Variants in EIF4A3 observed in about 807,000 individuals in gnomAD.
EIF4A3 encodes the protein eukaryotic initiation factor 4A-III.
In EIF4A3, 1 loss-of-function variant was observed where a neutral mutation model predicts 55.6. The ratio of observed to expected loss-of-function variants is 0.02; its 90% CI spans 0.01 to 0.09. The LOEUF (loss-of-function observed/expected upper bound fraction) is 0.09. EIF4A3 is among the 10% of genes least tolerant of loss of function. The probability of loss-of-function intolerance (pLI) is 1.00; values close to 1 mark genes in which losing one functional copy is unlikely to be tolerated. For synonymous variants in EIF4A3, 194 were observed against 196.3 expected (o/e 0.99, Z 0.10); for missense variants, 221 against 540.7 (o/e 0.41, Z 5.86).
At position 80,139,106 on chromosome 17, in the gene EIF4A3, C is replaced by A; in HGVS notation, c.643G>T (p.Val215Phe). ...YRYLPPATQV[V>F]LISATLPHEI... is the part of the protein sequence containing the mutation. ...TGTGGCAGCGTGGCACTGATGAGAA[C>A]CACCTGTGTGGCTGGAGGCAGGTAC... The change falls in exon 7 of 12, where the codon GTT becomes TTT. Residue 215 changes from valine (V) to phenylalanine (F), a missense_variant. Transcript: ENST00000649764. 6.2e-7 allele frequency: 1 copy of A among 1,614,026 alleles called. No homozygotes were observed. The highest frequency in any genetic ancestry group is 8.5e-7 in the Non-Finnish European group (1 of 1,180,004).
intron 2 of EIF4A3, 110 bp downstream of exon 2, chr17:80,144,062 T>A: frequency 9.8e-7 from 1 of 1,023,336 alleles, no homozygotes; most frequent in Non-Finnish European, 1.5e-6. Flanking sequence ...AGGGAAAGTG[T>A]TGGAACTGAG....
chr17:80,139,856 AG>A, intron 5 of EIF4A3, 106 bp from the exon 6 acceptor site: 1 of 1,465,294 alleles, frequency 6.8e-7, no homozygotes, highest in Non-Finnish European at 9.3e-7. Flanking sequence ...CACTGGTCTC[AG>A]GGTTCCAGAG....
chr17:80,137,309 C>G, intron 9 of EIF4A3, 77 bp downstream of exon 9: 1 of 1,320,648 alleles, frequency 7.6e-7, no homozygotes, highest in Non-Finnish European at 1.0e-6. Flanking sequence ...GGGGCCTGCA[C>G]TTAGGCGGTA....
rs1002363270 is a variant in EIF4A3 at position 80,136,219 on chromosome 17, G to C, written c.1091+9C>G. The stretch of plus-strand genomic sequence containing the variant: ...ACAGAAGTGAAGCCAATGAGAGCTT[G>C]CACCTTACCTGTGTATGTACAATTC... On this transcript the variant is annotated intron_variant, in intron 10 of 11. Coordinates refer to ENST00000649764, the MANE Select transcript of EIF4A3 (RefSeq NM_014740.4). 6 of 1,613,274 alleles carry C rather than the reference G, an allele frequency of 3.7e-6. No homozygotes were observed. The Admixed American group carries it at 8.3e-5, about 22-fold the overall frequency.
Position 80,138,947 on chromosome 17 carries a change from T to C in EIF4A3, c.728+74A>G, listed in dbSNP as rs1013196586. 5.2e-5 allele frequency: 82 copies of C among 1,575,262 alleles called. No homozygotes were observed. In the Middle Eastern group the frequency reaches 2.1e-3, roughly 40 times the overall value. On this transcript the variant is annotated intron_variant, in intron 7 of 11. Coordinates refer to ENST00000649764, the MANE Select transcript of EIF4A3 (RefSeq NM_014740.4). ...AGCCAGACTCTGGCTATAAAAAGTT[T>C]TTGAAATTACGACATAAAATCCTTT...
In EIF4A3 at chr17:80,143,718, C is replaced by T. The variant is rs139194604; in HGVS notation, c.242+454G>A. ...CCTTGGCCGGGCGCAGTAACTCATGCCTGAAATCCCAGCACTTTAGGAGGC... is the reference window on the plus strand; with the variant it reads ...CCTTGGCCGGGCGCAGTAACTCATGTCTGAAATCCCAGCACTTTAGGAGGC... On this transcript the variant is annotated intron_variant, in intron 2 of 11. Coordinates refer to ENST00000649764, the MANE Select transcript of EIF4A3 (RefSeq NM_014740.4). 9.4e-3 allele frequency among the ~76,000 whole-genome samples: 1,429 copies of T among 152,278 alleles called. 22 individuals are homozygous for T. The highest frequency in any genetic ancestry group is 0.056 in the Admixed American group (850 of 15,292).
intron 11 of EIF4A3, 21 bp downstream of exon 11, chr17:80,135,983 T>C: frequency 1.2e-6 from 2 of 1,612,222 alleles, no homozygotes; most frequent in East Asian, 4.5e-5. Context: ...ACAATTACAG[T>C]AGAGCTGGAC....
intron 2 of EIF4A3, 119 bp downstream of exon 2, chr17:80,144,053 G>A: frequency 6.4e-6 from 6 of 939,984 alleles, no homozygotes; most frequent in Admixed American, 6.0e-5. Context: ...GCTAAAGTCA[G>A]GGAAAGTGTT....
intron 10 of EIF4A3, 22 bp from the exon 11 acceptor site, chr17:80,136,153 A>G (rs1403006186): frequency 5.6e-6 from 9 of 1,613,890 alleles, no homozygotes; most frequent in Non-Finnish European, 7.6e-6. Flanking sequence ...AAATAATATT[A>G]CAGTTAGTAT....
At chr17:80,137,222 C>T (rs1448247721) in intron 9 of EIF4A3, 164 bp downstream of exon 9, 6 of 557,032 alleles carry the variant, frequency 1.1e-5, no homozygotes, top group Non-Finnish European at 1.9e-5. Flanking sequence ...CACAGCGGAC[C>T]CCTCCTTAAC....
At chr17:80,141,878 A>T (rs1342626156) in intron 2 of EIF4A3, 30 bp from the exon 3 acceptor site, 1 of 1,606,534 alleles carries the variant, frequency 6.2e-7, no homozygotes, top group East Asian at 2.2e-5. Context: ...CAGTGGGATT[A>T]GAGGGAGGAC....
rs1317049271 is a variant in EIF4A3, at chr17:80,137,366, C to T, written c.983+20G>A. On this transcript the variant is annotated intron_variant, in intron 9 of 11. Coordinates refer to ENST00000649764, the MANE Select transcript of EIF4A3 (RefSeq NM_014740.4). The stretch of plus-strand genomic sequence containing the variant: ...GTCTAGCAAACCCTGACCTGCAGAG[C>T]CACAGCATAGCAGACCCACCTGGCG... 2.2e-5 allele frequency: 35 copies of T among 1,607,940 alleles called. No homozygotes were observed. Among genetic ancestry groups the T allele is most frequent in the Non-Finnish European group, 2.7e-5 (32 of 1,176,368 alleles).
intron 8 of EIF4A3, 182 bp from the exon 9 acceptor site, chr17:80,137,683 C>T: frequency 1.8e-6 from 1 of 569,496 alleles, no homozygotes; most frequent in Non-Finnish European, 3.1e-6. Flanking sequence ...GGGGTGCACT[C>T]ACAAAACCCT....
rs774111367 is a variant in EIF4A3 at position 80,138,106 on chromosome 17, C to T, written c.867+36G>A. 3.1e-6 allele frequency: 5 copies of T among 1,595,198 alleles called. No individual in the cohort carries two copies. In the South Asian group the frequency reaches 3.3e-5, roughly 11 times the overall value. On this transcript the variant is annotated intron_variant, in intron 8 of 11. Transcript: ENST00000649764. ...CATTCAGAGACTCAATCTGCAGTTT[C>T]CCTTCAGCACATGGATGCTGTGCAG...
At chr17:80,137,211 G>C (rs2039578087) in intron 9 of EIF4A3, 175 bp downstream of exon 9, 1 of 520,988 alleles carries the variant, frequency 1.9e-6, no homozygotes, top group Non-Finnish European at 3.4e-6. Flanking sequence ...TATTACAGGA[G>C]CACAGCGGAC....
chr17:80,139,666 A>G lies in EIF4A3; in HGVS notation c.586+4T>C. The G allele has an allele frequency of 6.2e-7, 1 of 1,612,488 alleles. No homozygotes were observed. The highest frequency in any genetic ancestry group is 8.5e-7 in the Non-Finnish European group (1 of 1,179,148). On this transcript the variant is annotated splice_donor_region_variant and intron_variant, in intron 6 of 11. Coordinates refer to ENST00000649764, the MANE Select transcript of EIF4A3 (RefSeq NM_014740.4). Reference sequence around the variant, plus strand: ...TAGAAGAGTAATTCTTTTGTTGCTCATACCTTTATTCAACATTTCATCAGC... The same window carrying G: ...TAGAAGAGTAATTCTTTTGTTGCTCGTACCTTTATTCAACATTTCATCAGC...
intron 4 of EIF4A3, 37 bp downstream of exon 4, chr17:80,141,282 C>G (rs1197590201): frequency 1.9e-6 from 3 of 1,584,452 alleles, no homozygotes; most frequent in African/African-American, 2.7e-5. Flanking sequence ...AAAAGCAGTA[C>G]TTGTTAATCG....
chr17:80,138,066 A>C lies in EIF4A3; in HGVS notation c.867+76T>G, dbSNP rs1243776076. 7 of 1,556,352 alleles carry C rather than the reference A, an allele frequency of 4.5e-6. No individual in the cohort carries two copies. The Admixed American group carries it at 1.3e-4, about 29-fold the overall frequency. On this transcript the variant is annotated intron_variant, in intron 8 of 11. Transcript: ENST00000649764. ...TGGACAAACTGGCCCTTTACTGAAAAATCTTGATTTATGTCATTCAGAGAC... is the reference window on the plus strand; with the variant it reads ...TGGACAAACTGGCCCTTTACTGAAACATCTTGATTTATGTCATTCAGAGAC...
chr17:80,139,242 C>G (rs2039598602), intron 6 of EIF4A3, 80 bp from the exon 7 acceptor site: 1 of 1,571,130 alleles, frequency 6.4e-7, no homozygotes, highest in African/African-American at 1.4e-5. Flanking sequence ...AGTGTTCCCA[C>G]TGGGTTAGAG....
Sources: gnomAD v4.1 joint callset for allele counts (sites outside exome capture counted in the v4.1 genomes callset) on GRCh38, gnomAD v4.1.1 for gene constraint, MANE v1.5 for transcripts, NCBI Gene and HGNC (gene_info 2026-07-23, HGNC 2026-07-21) for gene names.